Variants in CDH9 observed in about 807,000 individuals in gnomAD.
The protein encoded by CDH9 is cadherin 9.
In CDH9, 28 loss-of-function variants were observed where a neutral mutation model predicts 70.9. The observed-to-expected ratio is 0.40, with a 90% CI of 0.29 to 0.54. CDH9 has a LOEUF of 0.54. CDH9 is among the 20% of genes least tolerant of loss of function. The probability of loss-of-function intolerance (pLI) is 0.59; values close to 1 mark genes in which losing one functional copy is unlikely to be tolerated. For synonymous variants in CDH9, 409 were observed against 343.1 expected, an observed-to-expected ratio of 1.19 and a Z score of -2.12; for missense variants, 874 against 984.4, an observed-to-expected ratio of 0.89 and a Z score of 1.50.
chr5:26,960,376 C>T (rs1742014112), intron 2 of CDH9, among the ~76,000 whole-genome samples: 1 of 151,942 alleles, frequency 6.6e-6, no homozygotes, highest in Non-Finnish European at 1.5e-5. Flanking sequence ...AAGGTTTAGA[C>T]AACATAAAAC....
At chr5:26,961,711 T>A (rs537600336) in intron 2 of CDH9, among the ~76,000 whole-genome samples, 9 of 152,298 alleles carry the variant, frequency 5.9e-5, no homozygotes, top group Admixed American at 5.9e-4. Context: ...CCTACCAACC[T>A]GTATGCAATT....
intron 2 of CDH9, among the ~76,000 whole-genome samples, chr5:26,949,860 T>C (rs1476148117): frequency 6.6e-6 from 1 of 152,204 alleles, no homozygotes; most frequent in Admixed American, 6.5e-5. Context: ...AATTAATTTA[T>C]AAGAACTTTA....
intron 2 of CDH9, among the ~76,000 whole-genome samples, chr5:26,922,477 A>G (rs1195231751): frequency 6.6e-6 from 1 of 152,146 alleles, no homozygotes; most frequent in Non-Finnish European, 1.5e-5. Flanking sequence ...TTATTCTAAA[A>G]TAGTATATCC....
chr5:26,920,756 CTA>C (rs1261372399), intron 2 of CDH9, among the ~76,000 whole-genome samples: 6 of 152,150 alleles, frequency 3.9e-5, no homozygotes, highest in African/African-American at 1.2e-4. Flanking sequence ...AGCAGTACCT[CTA>C]TGAGTCTGCA....
rs545889348 is a variant in CDH9, at chr5:26,881,471, T to C, written c.2035A>G (p.Asn679Asp). The change falls in exon 12 of 12, where the codon AAT (asparagine) becomes GAT (aspartate). Residue 679 changes from asparagine (N) to aspartate (D), a missense_variant. Transcript: ENST00000231021. ...TQAFDIGTLR[N>D]PEAREDSKLR... ...TTACTGTCTTCTCTTGCCTCTGGAT[T>C]CCTTAATGTGCCAATGTCAAAAGCT... The C allele has an allele frequency of 1.9e-6, 3 of 1,613,846 alleles. No individual in the cohort carries two copies. The highest frequency in any genetic ancestry group is 4.5e-5 in the East Asian group (2 of 44,872).
At chr5:27,017,584 T>A (rs1743067093) in intron 1 of CDH9, among the ~76,000 whole-genome samples, 1 of 151,888 alleles carries the variant, frequency 6.6e-6, no homozygotes, top group South Asian at 2.1e-4. Flanking sequence ...AGTGTTTGTG[T>A]TTGTTTGTTT....
At chr5:26,892,710 ATT>A (rs113985997) in intron 7 of CDH9, among the ~76,000 whole-genome samples, 1 of 151,580 alleles carries the variant, frequency 6.6e-6, no homozygotes, top group Admixed American at 6.6e-5. Context: ...AAGTACTGGC[ATT>A]TTTTTGTTGT....
chr5:26,986,613 G>A (rs1233029834), intron 2 of CDH9, among the ~76,000 whole-genome samples: 1 of 152,038 alleles, frequency 6.6e-6, no homozygotes, highest in Non-Finnish European at 1.5e-5. Context: ...TTTATCTGTG[G>A]CTATTCTTCT....
chr5:27,010,097 T>C (rs1034120276), intron 1 of CDH9, among the ~76,000 whole-genome samples: 1 of 152,140 alleles, frequency 6.6e-6, no homozygotes, highest in Non-Finnish European at 1.5e-5. Context: ...ATCTATCCTG[T>C]TAACAAATTG....
intron 2 of CDH9, among the ~76,000 whole-genome samples, chr5:26,967,021 C>T (rs945592999): frequency 5.3e-5 from 8 of 152,132 alleles, no homozygotes; most frequent in Non-Finnish European, 1.2e-4. Flanking sequence ...CAGCCTGGAT[C>T]TCCCAAGCTT....
At chr5:27,009,411 A>G (rs1024082587) in intron 1 of CDH9, among the ~76,000 whole-genome samples, 1 of 152,136 alleles carries the variant, frequency 6.6e-6, no homozygotes, top group Non-Finnish European at 1.5e-5. Flanking sequence ...TAAAAGGAGA[A>G]GAAAGAGAAA....
In CDH9 at chr5:26,896,677, A is replaced by C. The variant is rs942227516; in HGVS notation, c.1253+5799T>G. 3.1e-4 allele frequency among the ~76,000 whole-genome samples: 47 copies of C among 152,148 alleles called. 1 individual carries two copies. The highest frequency in any genetic ancestry group is 1.0e-3 in the African/African-American group (42 of 41,520). ...GGGACACAGCTAAAGCAGTGTTTAG[A>C]GGGAAATTTATAGCACTAAATGCCC... On this transcript the variant is annotated intron_variant, in intron 7 of 11. Coordinates refer to ENST00000231021, the MANE Select transcript of CDH9 (RefSeq NM_016279.4).
intron 2 of CDH9, among the ~76,000 whole-genome samples, chr5:26,952,792 T>C (rs575039076): frequency 6.6e-6 from 1 of 151,274 alleles, no homozygotes; most frequent in Non-Finnish European, 1.5e-5. Context: ...ATCATGGGAT[T>C]GATACTGGAG....
chr5:26,916,196 A>C (rs1443098115), intron 2 of CDH9, among the ~76,000 whole-genome samples: 1 of 152,024 alleles, frequency 6.6e-6, no homozygotes, highest in African/African-American at 2.4e-5. Flanking sequence ...TTTATGAATA[A>C]AATGTTACCA....
At chr5:27,014,224 A>G (rs767895532) in intron 1 of CDH9, among the ~76,000 whole-genome samples, 7 of 151,998 alleles carry the variant, frequency 4.6e-5, no homozygotes, top group Non-Finnish European at 8.8e-5. Context: ...ACTTCCTGAC[A>G]GTACCCAATC....
In CDH9 at chr5:26,917,745, G is replaced by A. The variant is rs533848593; in HGVS notation, c.229-1821C>T. Among the ~76,000 whole-genome samples the A allele has an allele frequency of 6.6e-5, 10 of 152,042 alleles. No homozygotes were observed. In the East Asian group the frequency reaches 1.6e-3, roughly 24 times the overall value. On this transcript the variant is annotated intron_variant, in intron 2 of 11. Coordinates refer to ENST00000231021, the MANE Select transcript of CDH9 (RefSeq NM_016279.4). ...TCATCTTATCTTCTCTGGACCACCA[G>A]AGCAATCTTCTAATCATGCTGCCTC...
intron 1 of CDH9, among the ~76,000 whole-genome samples, chr5:27,000,168 A>T (rs1742739637): frequency 6.6e-6 from 1 of 152,178 alleles, no homozygotes. Flanking sequence ...TAAAAAGAAC[A>T]TTGAAAACTC....
rs1741745308 is a variant in CDH9, at chr5:26,945,946, T to C, written c.229-30022A>G. On this transcript the variant is annotated intron_variant, in intron 2 of 11. Coordinates refer to ENST00000231021, the MANE Select transcript of CDH9 (RefSeq NM_016279.4). Reference sequence around the variant, plus strand: ...GACTTTGGTATAATCTCCTTGCAAGTGGATTATTTAACAAACAAACTAAGA... The same window carrying C: ...GACTTTGGTATAATCTCCTTGCAAGCGGATTATTTAACAAACAAACTAAGA... 2.0e-5 allele frequency among the ~76,000 whole-genome samples: 3 copies of C among 152,202 alleles called. No homozygotes were observed. The South Asian group carries it at 6.2e-4, about 32-fold the overall frequency.
At chr5:27,009,327 T>C (rs1742917917) in intron 1 of CDH9, among the ~76,000 whole-genome samples, 1 of 152,070 alleles carries the variant, frequency 6.6e-6, no homozygotes, top group African/African-American at 2.4e-5. Context: ...TTAAAAGATA[T>C]TGTATCTGCT....
Sources: gnomAD v4.1 joint callset for allele counts (sites outside exome capture counted in the v4.1 genomes callset) on GRCh38, gnomAD v4.1.1 for gene constraint, MANE v1.5 for transcripts, NCBI Gene and HGNC (gene_info 2026-07-23, HGNC 2026-07-21) for gene names.